Variants in RALYL observed in about 807,000 individuals in gnomAD.
The protein encoded by RALYL is RALY RNA binding protein like, also known as RNA-binding Raly-like protein.
RALYL carries 29 observed loss-of-function variants against 35.1 expected under a neutral mutation model. The observed-to-expected ratio is 0.83, with a 90% CI of 0.61 to 1.13. The LOEUF is 1.13. RALYL is among the 50% of genes most tolerant of loss of function. The pLI is 0.00. For missense variants in RALYL, 359 were observed against 360.4 expected, an observed-to-expected ratio of 1.00 and a Z score of 0.03; for synonymous variants, 120 against 127.6, an observed-to-expected ratio of 0.94 and a Z score of 0.40.
At chr8:84,256,518 T>C (rs1283824951) in intron 1 of RALYL, among the ~76,000 whole-genome samples, 1 of 152,108 alleles carries the variant, frequency 6.6e-6, no homozygotes, top group Non-Finnish European at 1.5e-5. Context: ...TAGAGTAATT[T>C]TGGCACTACT....
chr8:84,222,140 G>A (rs562916942), intron 1 of RALYL, among the ~76,000 whole-genome samples: 8 of 152,102 alleles, frequency 5.3e-5, no homozygotes, highest in African/African-American at 1.7e-4. Context: ...ATAGTGCATT[G>A]TGAAAGATGA....
At chr8:84,756,573 C>T (rs1277318237) in intron 2 of RALYL, among the ~76,000 whole-genome samples, 1 of 152,132 alleles carries the variant, frequency 6.6e-6, no homozygotes. Context: ...ACACACACAC[C>T]TATCTTCCCA....
At chr8:84,843,007 T>C (rs1207245990) in intron 4 of RALYL, among the ~76,000 whole-genome samples, 5 of 152,138 alleles carry the variant, frequency 3.3e-5, no homozygotes, top group Admixed American at 2.6e-4. Flanking sequence ...CCACAGCCAA[T>C]ATCATACTGA....
intron 1 of RALYL, among the ~76,000 whole-genome samples, chr8:84,356,884 ATATAT>A (rs1468195565): frequency 2.8e-3 from 418 of 151,720 alleles, no homozygotes; most frequent in African/African-American, 8.4e-3. Flanking sequence ...TCTTGCAAAT[ATATAT>A]ATAGAATAAT....
intron 1 of RALYL, among the ~76,000 whole-genome samples, chr8:84,522,275 A>G (rs1165418280): frequency 7.5e-6 from 1 of 133,358 alleles, no homozygotes; most frequent in Non-Finnish European, 1.5e-5. Flanking sequence ...TTTGAGATGG[A>G]GTCTCGCTCT....
chr8:84,315,781 T>G (rs1412175298), intron 1 of RALYL, among the ~76,000 whole-genome samples: 4 of 151,750 alleles, frequency 2.6e-5, no homozygotes, highest in Non-Finnish European at 5.9e-5. Flanking sequence ...AATATTTAAT[T>G]TGAGCAAGAA....
At chr8:84,744,349 C>T (rs938649002) in intron 2 of RALYL, among the ~76,000 whole-genome samples, 1 of 151,902 alleles carries the variant, frequency 6.6e-6, no homozygotes, top group African/African-American at 2.4e-5. Flanking sequence ...TGTGGATTGC[C>T]CAGACACAAA....
chr8:84,312,895 A>T (rs73306919), intron 1 of RALYL, among the ~76,000 whole-genome samples: 1,848 of 152,240 alleles, frequency 0.012, 51 homozygotes, highest in African/African-American at 0.042. Flanking sequence ...CCCAGTGGGG[A>T]TCCTGTGTGG....
rs1318240663 is a variant in RALYL at position 84,468,972 on chromosome 8, C to T, written c.-23-60327C>T. ...GCTTCTGCATTCTTCACGTAGTTCT[C>T]GAGCCTTGGTTTTCAGCTCCATCAG... On this transcript the variant is annotated intron_variant, in intron 1 of 8. Transcript: ENST00000521268. Among the ~76,000 whole-genome samples, 7 of 151,364 alleles carry T rather than the reference C, an allele frequency of 4.6e-5. No individual in the cohort carries two copies. The East Asian group carries it at 7.8e-4, about 17-fold the overall frequency.
chr8:84,408,564 G>A (rs946004582), intron 1 of RALYL, among the ~76,000 whole-genome samples: 2 of 152,158 alleles, frequency 1.3e-5, no homozygotes, highest in Non-Finnish European at 2.9e-5. Flanking sequence ...ATAGCAGCAT[G>A]GGGTGGATGA....
chr8:84,504,447 T>C (rs1479130639), intron 1 of RALYL, among the ~76,000 whole-genome samples: 1 of 152,148 alleles, frequency 6.6e-6, no homozygotes, highest in African/African-American at 2.4e-5. Flanking sequence ...ACTGTGCATA[T>C]AACTTTACCC....
At chr8:84,252,637 T>A (rs928030076) in intron 1 of RALYL, among the ~76,000 whole-genome samples, 1 of 152,118 alleles carries the variant, frequency 6.6e-6, no homozygotes, top group African/African-American at 2.4e-5. Flanking sequence ...GCTTGCGTGA[T>A]CTTTATCATT....
At chr8:84,433,437 A>T (rs750989608) in intron 1 of RALYL, among the ~76,000 whole-genome samples, 44 of 152,142 alleles carry the variant, frequency 2.9e-4, no homozygotes, top group Non-Finnish European at 5.1e-4. Context: ...AAACAGGACG[A>T]TGTTTGATAT....
At position 84,781,394 on chromosome 8, in the gene RALYL, C is replaced by T. The variant is rs141288845; in HGVS notation, c.332+6740C>T. Among the ~76,000 whole-genome samples, 492 of 152,218 alleles carry T rather than the reference C, an allele frequency of 3.2e-3. 2 individuals are homozygous for T. Among genetic ancestry groups the T allele is most frequent in the Non-Finnish European group, 4.7e-3 (323 of 68,014 alleles). The stretch of plus-strand genomic sequence containing the variant: ...CAATACCCATTAAATAGTTCTGCTG[C>T]GGGCAATTCTCTCTGCTAGGCTAAA... On this transcript the variant is annotated intron_variant, in intron 3 of 8. Coordinates refer to ENST00000521268, the MANE Select transcript of RALYL (RefSeq NM_173848.7).
intron 2 of RALYL, among the ~76,000 whole-genome samples, chr8:84,686,694 C>T (rs1468538672): frequency 6.6e-6 from 1 of 152,130 alleles, no homozygotes; most frequent in Non-Finnish European, 1.5e-5. Context: ...CATGAACCAC[C>T]ACACCCAACC....
chr8:84,316,631 T>C (rs192383166), intron 1 of RALYL, among the ~76,000 whole-genome samples: 89 of 152,294 alleles, frequency 5.8e-4, no homozygotes, highest in Admixed American at 1.0e-3. Context: ...TATTTCTTTT[T>C]TATTAAAGCA....
intron 2 of RALYL, among the ~76,000 whole-genome samples, chr8:84,693,471 C>T (rs1838492031): frequency 1.3e-5 from 2 of 151,924 alleles, no homozygotes; most frequent in Non-Finnish European, 2.9e-5. Flanking sequence ...GATTCAATTA[C>T]CTTCCACTGG....
chr8:84,536,721 A>G (rs2059635111), intron 2 of RALYL, among the ~76,000 whole-genome samples: 1 of 152,196 alleles, frequency 6.6e-6, no homozygotes, highest in African/African-American at 2.4e-5. Flanking sequence ...TTGGACTGAG[A>G]AAAAAGAAGA....
chr8:84,645,395 C>A (rs1002750421), intron 2 of RALYL, among the ~76,000 whole-genome samples: 2 of 151,556 alleles, frequency 1.3e-5, no homozygotes, highest in African/African-American at 4.8e-5. Context: ...CTTAATTTTT[C>A]TGTTTCTGTT....
Sources: gnomAD v4.1 joint callset for allele counts (sites outside exome capture counted in the v4.1 genomes callset) on GRCh38, gnomAD v4.1.1 for gene constraint, MANE v1.5 for transcripts, NCBI Gene and HGNC (gene_info 2026-07-23, HGNC 2026-07-21) for gene names.